SYT14: variants seen among roughly 807,000 people sequenced by gnomAD.
SYT14 encodes the protein synaptotagmin-14.
In SYT14, 32 loss-of-function variants were observed where a neutral mutation model predicts 74.2. That is an observed-to-expected ratio of 0.43 (90% CI 0.33 to 0.58). SYT14 has a LOEUF of 0.58. Ranked by LOEUF, SYT14 falls within the 20% of genes least tolerant of loss-of-function variation. The probability of loss-of-function intolerance (pLI) is 0.05; values close to 1 mark genes in which losing one functional copy is unlikely to be tolerated. For missense variants in SYT14, 791 were observed against 981.8 expected (o/e 0.81, Z 2.60); for synonymous variants, 298 against 337.7 (o/e 0.88, Z 1.29).
intron 7 of SYT14, among the ~76,000 whole-genome samples, chr1:210,110,560 A>C (rs929875608): frequency 1.3e-5 from 2 of 152,174 alleles, no homozygotes; most frequent in Non-Finnish European, 2.9e-5. Context: ...GTTTCAATTA[A>C]ACAAGGTGTT....
chr1:210,114,889 G>A lies in SYT14; in HGVS notation c.2034+14428G>A, dbSNP rs183524993. ...TAGCAAGGAGCAGCCTGGGGAGGAG[G>A]GGAGAGGTCAGATGGGTCCATAGAA... On this transcript the variant is annotated intron_variant, in intron 7 of 9. Transcript: ENST00000637265. Among the ~76,000 whole-genome samples, 176 of 151,152 alleles carry A rather than the reference G, an allele frequency of 1.2e-3. 12 individuals are homozygous for A. Among genetic ancestry groups the A allele is most frequent in the African/African-American group, 4.2e-3 (170 of 40,486 alleles).
At chr1:209,994,766 A>C (rs886829371) in intron 2 of SYT14, among the ~76,000 whole-genome samples, 1 of 152,152 alleles carries the variant, frequency 6.6e-6, no homozygotes, top group Non-Finnish European at 1.5e-5. Context: ...TACAGAGGGA[A>C]CCTCATTAGG....
intron 8 of SYT14, 144 bp from the exon 8 acceptor site, chr1:210,159,277 A>G (rs1421456829): frequency 3.7e-6 from 3 of 809,246 alleles, no homozygotes; most frequent in East Asian, 5.4e-5. Context: ...TCAATCCTCT[A>G]TCTGAATTAA....
intron 2 of SYT14, among the ~76,000 whole-genome samples, chr1:209,959,857 A>C (rs1271794454): frequency 6.6e-6 from 1 of 152,010 alleles, no homozygotes; most frequent in African/African-American, 2.4e-5. Context: ...TGGTTGCACA[A>C]CTCTATGAAT....
At chr1:210,138,393 A>T (rs915954927) in intron 7 of SYT14, among the ~76,000 whole-genome samples, 7 of 152,192 alleles carry the variant, frequency 4.6e-5, no homozygotes, top group African/African-American at 7.2e-5. Flanking sequence ...TGTGGGGATT[A>T]TGGGAGCTAC....
intron 5 of SYT14, among the ~76,000 whole-genome samples, chr1:210,077,549 A>C (rs555323114): frequency 6.6e-6 from 1 of 152,342 alleles, no homozygotes; most frequent in East Asian, 1.9e-4. Context: ...GCTGATGTGA[A>C]TATATGTACA....
At chr1:210,049,364 A>G (rs1463297003) in intron 5 of SYT14, among the ~76,000 whole-genome samples, 3 of 150,792 alleles carry the variant, frequency 2.0e-5, no homozygotes, top group Middle Eastern at 3.5e-3. Flanking sequence ...TCTGAAATCT[A>G]GGCGGAGGTT....
chr1:210,100,994 A>G (rs1365607517), intron 7 of SYT14, among the ~76,000 whole-genome samples: 2 of 152,132 alleles, frequency 1.3e-5, no homozygotes, highest in African/African-American at 2.4e-5. Flanking sequence ...CACCCTTTTT[A>G]AACAGATTGT....
At chr1:209,950,934 A>G (rs713114) in intron 1 of SYT14, among the ~76,000 whole-genome samples, 7,605 of 152,304 alleles carry the variant, frequency 0.05, 1,026 homozygotes, top group East Asian at 0.41. Context: ...CATTAAAGTA[A>G]TGACATGATT....
At chr1:210,155,981 A>G in intron 8 of SYT14, 71 bp downstream of exon 7, 1 of 1,335,924 alleles carries the variant, frequency 7.5e-7, no homozygotes, top group East Asian at 2.4e-5. Flanking sequence ...TAGGGAGTTC[A>G]ATCCTATCAT....
intron 5 of SYT14, among the ~76,000 whole-genome samples, chr1:210,032,575 CTTGT>C (rs1222706479): frequency 6.6e-6 from 1 of 151,258 alleles, no homozygotes; most frequent in Admixed American, 6.6e-5. Flanking sequence ...TGAAATCATA[CTTGT>C]TTGTTTATGA....
intron 5 of SYT14, among the ~76,000 whole-genome samples, chr1:210,026,690 T>C (rs1388986635): frequency 2.6e-5 from 4 of 151,420 alleles, no homozygotes; most frequent in African/African-American, 9.7e-5. Context: ...TATCACAAAC[T>C]TCATTCTATT....
At chr1:209,963,425 G>T (rs2079107284) in intron 2 of SYT14, among the ~76,000 whole-genome samples, 1 of 152,036 alleles carries the variant, frequency 6.6e-6, no homozygotes, top group African/African-American at 2.4e-5. Context: ...AAATTTTCTT[G>T]TTTTATCAAC....
intron 6 of SYT14, 51 bp from the exon 6 acceptor site, chr1:210,099,961 A>T: frequency 6.8e-7 from 1 of 1,480,180 alleles, no homozygotes; most frequent in Non-Finnish European, 9.3e-7. Context: ...TTTACATGCT[A>T]GGTTAAATAA....
chr1:210,132,013 G>A (rs983666020), intron 7 of SYT14, among the ~76,000 whole-genome samples: 3 of 151,984 alleles, frequency 2.0e-5, no homozygotes, highest in African/African-American at 7.3e-5. Flanking sequence ...ACTCTTCTAC[G>A]GAAACACTCT....
intron 2 of SYT14, among the ~76,000 whole-genome samples, chr1:210,010,625 C>A (rs1347207313): frequency 6.6e-6 from 1 of 152,102 alleles, no homozygotes; most frequent in Non-Finnish European, 1.5e-5. Flanking sequence ...ATAGTATTTA[C>A]TGTATGTTAT....
chr1:209,974,898 T>A (rs936394534), intron 2 of SYT14, among the ~76,000 whole-genome samples: 1 of 152,174 alleles, frequency 6.6e-6, no homozygotes, highest in African/African-American at 2.4e-5. Context: ...TGAGCAGTGG[T>A]TTGTAGTTCT....
chr1:209,959,318 A>G (rs2079042030), intron 2 of SYT14, among the ~76,000 whole-genome samples: 1 of 151,870 alleles, frequency 6.6e-6, no homozygotes, highest in South Asian at 2.1e-4. Flanking sequence ...AATTTTTTGT[A>G]TTTTTAGTAG....
In SYT14 at chr1:210,034,382, G is replaced by A. The variant is rs376983128; in HGVS notation, c.1312+13128G>A. 9.9e-5 allele frequency among the ~76,000 whole-genome samples: 15 copies of A among 151,632 alleles called. No homozygotes were observed. In the East Asian group the frequency reaches 2.9e-3, roughly 29 times the overall value. On this transcript the variant is annotated intron_variant, in intron 5 of 9. Coordinates refer to ENST00000637265, the Ensembl canonical transcript of SYT14. ...TTTATTGCTGCTTTATTTTTATTGTGTAAGTAGTACATGTTCATTATAGAA... is the reference window on the plus strand; with the variant it reads ...TTTATTGCTGCTTTATTTTTATTGTATAAGTAGTACATGTTCATTATAGAA...
Sources: allele counts gnomAD v4.1 joint callset (sites outside exome capture counted in the v4.1 genomes callset), GRCh38; gene constraint gnomAD v4.1.1; transcripts MANE v1.5; gene names NCBI Gene and HGNC (gene_info 2026-07-23, HGNC 2026-07-21).